TIAM1: variants seen among roughly 807,000 people sequenced by gnomAD.
TIAM1 encodes the protein TIAM Rac1 associated GEF 1, also known as rho guanine nucleotide exchange factor TIAM1.
TIAM1 carries 65 observed loss-of-function variants against 163.5 expected under a neutral mutation model. The ratio of observed to expected loss-of-function variants is 0.40; its 90% CI spans 0.33 to 0.49. The LOEUF is 0.49. Ranked by LOEUF, TIAM1 falls within the 20% of genes least tolerant of loss-of-function variation. The pLI is 0.77. For synonymous variants in TIAM1, 833 were observed against 810.1 expected (o/e 1.03, Z -0.48); for missense variants, 1,789 against 2,044.7 (o/e 0.87, Z 2.41).
chr21:31,239,344 T>C (rs149331364), intron 6 of TIAM1, among the ~76,000 whole-genome samples: 1 of 152,148 alleles, frequency 6.6e-6, no homozygotes, highest in East Asian at 1.9e-4. Context: ...TTGTCTAGGC[T>C]GGTCACAACC....
intron 2 of TIAM1, among the ~76,000 whole-genome samples, chr21:31,277,174 A>G (rs976114054): frequency 1.3e-5 from 2 of 152,304 alleles, no homozygotes; most frequent in Admixed American, 1.3e-4. Context: ...CACAAGATAC[A>G]GGTCATAAAG....
At chr21:31,228,469 C>T (rs73353333) in intron 6 of TIAM1, among the ~76,000 whole-genome samples, 11,579 of 152,034 alleles carry the variant, frequency 0.076, 1,486 homozygotes, top group African/African-American at 0.26. Flanking sequence ...GAGAAATGCA[C>T]TCATATGCAC....
At chr21:31,530,316 C>T (rs1485179080) in intron 1 of TIAM1, among the ~76,000 whole-genome samples, 1 of 152,256 alleles carries the variant, frequency 6.6e-6, no homozygotes, top group Non-Finnish European at 1.5e-5. Flanking sequence ...ACTTTTTAGA[C>T]AAGGCAATTG....
At chr21:31,510,583 C>T (rs899105172) in intron 1 of TIAM1, among the ~76,000 whole-genome samples, 4 of 152,098 alleles carry the variant, frequency 2.6e-5, no homozygotes, top group Admixed American at 6.6e-5. Context: ...GAGGCCAAGG[C>T]GGATGGATTG....
chr21:31,275,670 A>T lies in TIAM1; in HGVS notation c.-12+1062T>A, dbSNP rs369530574. 1.1e-4 allele frequency among the ~76,000 whole-genome samples: 16 copies of T among 152,344 alleles called. No homozygotes were observed. The East Asian group carries it at 2.7e-3, about 26-fold the overall frequency. On this transcript the variant is annotated intron_variant, in intron 3 of 27. Coordinates refer to ENST00000541036, the MANE Select transcript of TIAM1 (RefSeq NM_001353694.2). ...TCTTACTTGTGATGGTAACCTAAAT[A>T]TACGGAAGTTTTCGTCTAGCTCTTC...
intron 6 of TIAM1, among the ~76,000 whole-genome samples, chr21:31,238,211 T>G (rs2070993836): frequency 6.6e-6 from 1 of 152,222 alleles, no homozygotes; most frequent in African/African-American, 2.4e-5. Context: ...CATGGCTGAT[T>G]GCCTGTGCTT....
chr21:31,329,443 G>GA (rs1193494472), intron 2 of TIAM1, among the ~76,000 whole-genome samples: 1 of 152,246 alleles, frequency 6.6e-6, no homozygotes, highest in Non-Finnish European at 1.5e-5. Flanking sequence ...AGGGTGATAA[G>GA]ACTGAGGCAG....
At chr21:31,331,187 G>T (rs845957) in intron 2 of TIAM1, among the ~76,000 whole-genome samples, 23,660 of 152,146 alleles carry the variant, frequency 0.16, 1,980 homozygotes, top group Non-Finnish European at 0.19. Context: ...ATGACAAACT[G>T]TAAAACAAAG....
chr21:31,463,445 C>A (rs1342931113), intron 2 of TIAM1, among the ~76,000 whole-genome samples: 1 of 152,164 alleles, frequency 6.6e-6, no homozygotes, highest in Non-Finnish European at 1.5e-5. Context: ...ATCGCCAGCA[C>A]CCTCATCACT....
chr21:31,438,628 G>C (rs1291570638), intron 2 of TIAM1, among the ~76,000 whole-genome samples: 1 of 151,994 alleles, frequency 6.6e-6, no homozygotes, highest in Non-Finnish European at 1.5e-5. Context: ...TCTTTTTCTT[G>C]CATGTGTCCT....
At chr21:31,509,279 T>C (rs2047133453) in intron 1 of TIAM1, among the ~76,000 whole-genome samples, 1 of 152,122 alleles carries the variant, frequency 6.6e-6, no homozygotes, top group Non-Finnish European at 1.5e-5. Flanking sequence ...CTCACCCTGT[T>C]GGATGGATCA....
At chr21:31,400,709 C>T (rs2077150131) in intron 2 of TIAM1, among the ~76,000 whole-genome samples, 1 of 152,278 alleles carries the variant, frequency 6.6e-6, no homozygotes, top group Admixed American at 6.5e-5. Context: ...TTAGGTCTTG[C>T]CCAGTCCTCT....
At chr21:31,410,344 G>T (rs2077329640) in intron 2 of TIAM1, among the ~76,000 whole-genome samples, 1 of 151,606 alleles carries the variant, frequency 6.6e-6, no homozygotes, top group South Asian at 2.1e-4. Context: ...GACTGCGAGT[G>T]TGTGTGTGTA....
chr21:31,155,570 T>A (rs1198771342), intron 16 of TIAM1, among the ~76,000 whole-genome samples: 4 of 152,146 alleles, frequency 2.6e-5, no homozygotes. Flanking sequence ...AGTGGTGCGA[T>A]CTCAGCTCAC....
intron 15 of TIAM1, among the ~76,000 whole-genome samples, chr21:31,170,421 A>G (rs1028643538): frequency 6.6e-6 from 1 of 152,264 alleles, no homozygotes; most frequent in African/African-American, 2.4e-5. Flanking sequence ...GTAAATTTCA[A>G]GCAATACCAA....
chr21:31,447,290 A>G (rs1026969358), intron 2 of TIAM1, among the ~76,000 whole-genome samples: 4 of 152,164 alleles, frequency 2.6e-5, no homozygotes, highest in Non-Finnish European at 5.9e-5. Flanking sequence ...TTTTTTAATT[A>G]GCAGGGTGTA....
chr21:31,272,653 T>C (rs1382555617), intron 3 of TIAM1, among the ~76,000 whole-genome samples: 3 of 152,170 alleles, frequency 2.0e-5, no homozygotes, highest in South Asian at 4.1e-4. Flanking sequence ...AAATAAAAAG[T>C]TGAACAAACA....
intron 2 of TIAM1, among the ~76,000 whole-genome samples, chr21:31,402,795 CA>C (rs892993911): frequency 6.6e-6 from 1 of 151,334 alleles, no homozygotes; most frequent in Non-Finnish European, 1.5e-5. Flanking sequence ...TAAAAACACA[CA>C]AAAAAATTAG....
chr21:31,445,169 AG>A (rs2044575762), intron 2 of TIAM1, among the ~76,000 whole-genome samples: 1 of 48,080 alleles, frequency 2.1e-5, no homozygotes, highest in African/African-American at 1.1e-4. Flanking sequence ...GGCTAATGTG[AG>A]AAACAGTCTA....
Sources: allele counts gnomAD v4.1 joint callset (sites outside exome capture counted in the v4.1 genomes callset), GRCh38; gene constraint gnomAD v4.1.1; transcripts MANE v1.5; gene names NCBI Gene and HGNC (gene_info 2026-07-23, HGNC 2026-07-21).